SYCP1: variants seen among roughly 807,000 people sequenced by gnomAD.
SYCP1 encodes the protein cancer/testis antigen 8.
SYCP1 carries 64 observed loss-of-function variants against 153.1 expected under a neutral mutation model. The observed-to-expected ratio is 0.42, with a 90% CI of 0.34 to 0.51. SYCP1 has a LOEUF of 0.51. Ranked by LOEUF, SYCP1 falls within the 20% of genes least tolerant of loss-of-function variation. The probability of loss-of-function intolerance (pLI) is 0.06; values close to 1 mark genes in which losing one functional copy is unlikely to be tolerated. For synonymous variants in SYCP1, 384 were observed against 341.8 expected (o/e 1.12, Z -1.36); for missense variants, 997 against 1,049.0 (o/e 0.95, Z 0.68).
At chr1:114,940,474 T>G (rs1670316389) in intron 23 of SYCP1, among the ~76,000 whole-genome samples, 3 of 152,298 alleles carry the variant, frequency 2.0e-5, no homozygotes, top group Middle Eastern at 3.4e-3. Flanking sequence ...AATTTCCCAC[T>G]AAGTATTGCT....
chr1:114,892,415 G>T (rs1029548862), intron 15 of SYCP1, among the ~76,000 whole-genome samples: 1 of 152,102 alleles, frequency 6.6e-6, no homozygotes, highest in Non-Finnish European at 1.5e-5. Context: ...AGGAGTGTGC[G>T]CTTCAGCCCC....
At chr1:114,861,355 A>G (rs979996169) in intron 8 of SYCP1, among the ~76,000 whole-genome samples, 1 of 152,074 alleles carries the variant, frequency 6.6e-6, no homozygotes, top group Non-Finnish European at 1.5e-5. Context: ...ATTTTTTCCC[A>G]TTTTGATGAA....
chr1:114,858,507 G>T (rs370884153), intron 5 of SYCP1, 40 bp from the exon 6 acceptor site: 3 of 1,516,962 alleles, frequency 2.0e-6, no homozygotes, highest in East Asian at 4.5e-5. Context: ...GGTTATATTA[G>T]AATTTTGGAC....
intron 16 of SYCP1, among the ~76,000 whole-genome samples, chr1:114,909,495 TACACACACACACACACACAC>T (rs57520899): frequency 6.6e-5 from 7 of 106,462 alleles, no homozygotes; most frequent in African/African-American, 1.1e-4. Flanking sequence ...TCCCTTGCTG[TACACACACACACACACACAC>T]ACACACACAC....
At chr1:114,923,262 A>G (rs1669019516) in intron 20 of SYCP1, among the ~76,000 whole-genome samples, 187 bp from the exon 21 acceptor site, 1 of 152,214 alleles carries the variant, frequency 6.6e-6, no homozygotes, top group African/African-American at 2.4e-5. Flanking sequence ...TTAATCCATT[A>G]GTAGCCTAGA....
chr1:114,970,321 T>C (rs987372612), intron 27 of SYCP1, among the ~76,000 whole-genome samples: 1 of 152,170 alleles, frequency 6.6e-6, no homozygotes, highest in African/African-American at 2.4e-5. Flanking sequence ...ATATCCTGTA[T>C]TATTTTTTAA....
rs182042074 is a variant in SYCP1, at chr1:114,938,549, A to T, written c.1927-5790A>T. On this transcript the variant is annotated intron_variant, in intron 23 of 31. Transcript: ENST00000369522. ...GTACCCTAGAACTTAAAGTATAATT[A>T]AAAAAATAAATAAATCAAAAATAAA... Among the ~76,000 whole-genome samples the T allele has an allele frequency of 1.0e-3, 158 of 152,214 alleles. 2 individuals carry two copies. Among genetic ancestry groups the T allele is most frequent in the African/African-American group, 3.7e-3 (153 of 41,494 alleles).
intron 30 of SYCP1, among the ~76,000 whole-genome samples, chr1:114,986,455 A>T (rs1673511028): frequency 6.6e-6 from 1 of 152,038 alleles, no homozygotes; most frequent in African/African-American, 2.4e-5. Flanking sequence ...TGAGATTCAG[A>T]ATGATTCAAC....
chr1:114,856,062 C>A (rs570185704), intron 2 of SYCP1, among the ~76,000 whole-genome samples: 1 of 152,050 alleles, frequency 6.6e-6, no homozygotes, highest in South Asian at 2.1e-4. Context: ...GGAATTATAC[C>A]AAGTTTCTCA....
At chr1:114,902,302 G>A (rs766338335) in intron 16 of SYCP1, among the ~76,000 whole-genome samples, 18 of 151,728 alleles carry the variant, frequency 1.2e-4, no homozygotes, top group Non-Finnish European at 1.3e-4. Flanking sequence ...TTTTTTTTTG[G>A]TTTGCATTTC....
At chr1:114,977,912 T>C (rs554548968) in intron 28 of SYCP1, among the ~76,000 whole-genome samples, 76 of 151,604 alleles carry the variant, frequency 5.0e-4, no homozygotes, top group African/African-American at 1.7e-3. Flanking sequence ...TTTAATTAGG[T>C]ACCTCTGTGT....
intron 22 of SYCP1, 47 bp from the exon 23 acceptor site, chr1:114,926,454 G>A (rs1669252608): frequency 6.7e-7 from 1 of 1,490,908 alleles, no homozygotes; most frequent in Non-Finnish European, 9.0e-7. Context: ...AGCAAGGTAA[G>A]TTTGAATAAC....
At chr1:114,986,021 C>A (rs939478521) in intron 30 of SYCP1, among the ~76,000 whole-genome samples, 1 of 151,530 alleles carries the variant, frequency 6.6e-6, no homozygotes, top group Non-Finnish European at 1.5e-5. Context: ...TATAAGTAAC[C>A]TAGAGATGAT....
At chr1:114,936,723 A>G (rs1345334356) in intron 23 of SYCP1, among the ~76,000 whole-genome samples, 2 of 152,218 alleles carry the variant, frequency 1.3e-5, no homozygotes, top group East Asian at 1.9e-4. Context: ...TACAAAATCA[A>G]TGTGCAAAAA....
At chr1:114,938,192 A>G (rs569284736) in intron 23 of SYCP1, among the ~76,000 whole-genome samples, 2 of 152,322 alleles carry the variant, frequency 1.3e-5, no homozygotes, top group Admixed American at 6.5e-5. Flanking sequence ...TGTGGCACAT[A>G]TACACCATGG....
chr1:114,958,940 A>AG (rs1281428249), intron 27 of SYCP1, among the ~76,000 whole-genome samples: 2 of 151,650 alleles, frequency 1.3e-5, no homozygotes, highest in East Asian at 3.9e-4. Context: ...AAAAAAAAAA[A>AG]AAAAAGAGTT....
intron 27 of SYCP1, among the ~76,000 whole-genome samples, chr1:114,947,859 T>C (rs1388580138): frequency 2.0e-5 from 3 of 150,606 alleles, no homozygotes; most frequent in Non-Finnish European, 4.4e-5. Context: ...GAACCCTTTT[T>C]TTTCTGCAAA....
chr1:114,986,000 G>T (rs1351580298), intron 30 of SYCP1, among the ~76,000 whole-genome samples: 2 of 151,776 alleles, frequency 1.3e-5, no homozygotes, highest in Non-Finnish European at 2.9e-5. Flanking sequence ...TGTTTACATT[G>T]TATTGGGTAT....
chr1:114,956,226 TCCCC>T (rs1173602909), intron 27 of SYCP1, among the ~76,000 whole-genome samples: 1 of 152,080 alleles, frequency 6.6e-6, no homozygotes, highest in African/African-American at 2.4e-5. Flanking sequence ...CCAGCCTGTG[TCCCC>T]CAGCAGATCT....
Sources: gnomAD v4.1 joint callset for allele counts (sites outside exome capture counted in the v4.1 genomes callset) on GRCh38, gnomAD v4.1.1 for gene constraint, MANE v1.5 for transcripts, NCBI Gene and HGNC (gene_info 2026-07-23, HGNC 2026-07-21) for gene names.